The following NCKAP5 variants were observed in gnomAD, a reference collection of about 807,000 sequenced individuals.
NCKAP5 encodes NCK associated protein 5.
A neutral mutation model predicts 167.0 loss-of-function variants in NCKAP5; 92 were observed. The observed-to-expected ratio is 0.55, with a 90% CI of 0.47 to 0.66. NCKAP5 has a LOEUF of 0.66. NCKAP5 is among the 30% of genes least tolerant of loss of function. The pLI, the probability that NCKAP5 is intolerant of heterozygous loss-of-function variation, is 0.00. For synonymous variants in NCKAP5, 891 were observed against 877.4 expected (o/e 1.02, Z -0.27); for missense variants, 2,378 against 2,315.0 (o/e 1.03, Z -0.56).
At chr2:132,757,859 G>C (rs375551752) in intron 16 of NCKAP5, among the ~76,000 whole-genome samples, 20 of 152,306 alleles carry the variant, frequency 1.3e-4, no homozygotes, top group African/African-American at 4.6e-4. Flanking sequence ...AATCTGCACA[G>C]AATAGACTTG....
At chr2:133,089,116 C>G (rs535862977) in intron 6 of NCKAP5, among the ~76,000 whole-genome samples, 1 of 152,228 alleles carries the variant, frequency 6.6e-6, no homozygotes, top group East Asian at 1.9e-4. Context: ...AACATTATAC[C>G]TTGAGTATGG....
chr2:132,764,063 G>GA (rs1274908040), intron 16 of NCKAP5, among the ~76,000 whole-genome samples: 3 of 152,124 alleles, frequency 2.0e-5, no homozygotes, highest in African/African-American at 7.2e-5. Context: ...TCTCTCTAGT[G>GA]AAAAAACAGA....
chr2:132,937,469 T>C (rs572013460), intron 8 of NCKAP5, among the ~76,000 whole-genome samples: 12 of 152,240 alleles, frequency 7.9e-5, no homozygotes, highest in Non-Finnish European at 1.5e-4. Flanking sequence ...GTCTTACTTT[T>C]GTAAACGCTT....
chr2:133,426,978 G>A (rs2151111284), intron 3 of NCKAP5, among the ~76,000 whole-genome samples: 2 of 152,280 alleles, frequency 1.3e-5, no homozygotes. Flanking sequence ...GATTGGGAGG[G>A]TAGCCAGGAA....
chr2:132,834,821 A>G (rs1687774687), intron 11 of NCKAP5, among the ~76,000 whole-genome samples: 1 of 152,058 alleles, frequency 6.6e-6, no homozygotes, highest in Non-Finnish European at 1.5e-5. Context: ...CTCTTGTCTA[A>G]TTGCTCTGGT....
chr2:133,410,450 G>A (rs999813266), intron 3 of NCKAP5, among the ~76,000 whole-genome samples: 8 of 152,190 alleles, frequency 5.3e-5, no homozygotes, highest in South Asian at 2.1e-4. Flanking sequence ...TATACTAAAT[G>A]GGAATAATCA....
At chr2:133,436,289 C>A (rs911722630) in intron 3 of NCKAP5, among the ~76,000 whole-genome samples, 1 of 152,140 alleles carries the variant, frequency 6.6e-6, no homozygotes, top group Non-Finnish European at 1.5e-5. Flanking sequence ...TCCAGAGATG[C>A]GGTTTTATTC....
chr2:133,459,019 G>A (rs1692029247), intron 3 of NCKAP5, among the ~76,000 whole-genome samples: 1 of 152,074 alleles, frequency 6.6e-6, no homozygotes, highest in Admixed American at 6.6e-5. Flanking sequence ...TCCATCTTTG[G>A]CTAGTGATGG....
chr2:133,265,892 G>A (rs1382770999), intron 4 of NCKAP5, among the ~76,000 whole-genome samples: 1 of 152,174 alleles, frequency 6.6e-6, no homozygotes, highest in African/African-American at 2.4e-5. Flanking sequence ...CGCCACTCCA[G>A]TGGCCCCTAG....
At chr2:132,856,023 G>A (rs1193576912) in intron 11 of NCKAP5, among the ~76,000 whole-genome samples, 2 of 152,126 alleles carry the variant, frequency 1.3e-5, no homozygotes, top group Non-Finnish European at 2.9e-5. Context: ...AATTAGCCAG[G>A]CATGGTGGCG....
chr2:133,045,526 C>G (rs574757974), intron 6 of NCKAP5, among the ~76,000 whole-genome samples: 1 of 151,860 alleles, frequency 6.6e-6, no homozygotes, highest in Non-Finnish European at 1.5e-5. Context: ...CTAGATGTTG[C>G]GAAGACAAGG....
intron 16 of NCKAP5, among the ~76,000 whole-genome samples, chr2:132,754,746 G>A (rs1680394378): frequency 6.6e-6 from 1 of 152,170 alleles, no homozygotes; most frequent in Admixed American, 6.5e-5. Context: ...ACAATGACAG[G>A]ATTATCTATA....
intron 8 of NCKAP5, among the ~76,000 whole-genome samples, chr2:132,893,301 T>C (rs1238400478): frequency 6.6e-6 from 1 of 152,198 alleles, no homozygotes; most frequent in Non-Finnish European, 1.5e-5. Context: ...ACGCCATTGC[T>C]AGGTATAACC....
intron 6 of NCKAP5, chr2:133,118,541 C>T (rs1185154196): frequency 6.6e-6 from 1 of 152,114 alleles, no homozygotes; most frequent in Non-Finnish European, 1.5e-5. Flanking sequence ...TGTGCACCTA[C>T]TATGTGCCAG....
chr2:133,492,170 T>TGTGTGTGTGTGTGTG (rs1559524824), intron 3 of NCKAP5, among the ~76,000 whole-genome samples: 7 of 151,586 alleles, frequency 4.6e-5, no homozygotes, highest in South Asian at 2.1e-4. Context: ...TGTGTGTGTG[T>TGTGTGTGTGTGTGTG]TAAGGTCTAT....
chr2:132,813,844 A>C (rs933310841), intron 11 of NCKAP5, among the ~76,000 whole-genome samples: 11 of 152,254 alleles, frequency 7.2e-5, no homozygotes, highest in Non-Finnish European at 1.6e-4. Flanking sequence ...AGGAAAGATT[A>C]GAACAAATGA....
At chr2:133,605,703 C>G in the NCKAP5 span, among the ~76,000 whole-genome samples, 3 of 152,252 alleles carry the variant, frequency 2.0e-5, no homozygotes, top group East Asian at 5.8e-4. Context: ...CAGCACAGTG[C>G]TTTGCTTTTG....
chr2:132,891,950 T>C (rs1692741853), intron 8 of NCKAP5, among the ~76,000 whole-genome samples: 1 of 152,230 alleles, frequency 6.6e-6, no homozygotes, highest in Non-Finnish European at 1.5e-5. Flanking sequence ...GAAGGCAGAA[T>C]GTAACGAACA....
At chr2:133,639,825 C>T in the NCKAP5 span, among the ~76,000 whole-genome samples, 1 of 152,054 alleles carries the variant, frequency 6.6e-6, no homozygotes, top group African/African-American at 2.4e-5. Context: ...CCCTGAACCC[C>T]TTGACAAGAA....
Sources: allele counts gnomAD v4.1 joint callset (sites outside exome capture counted in the v4.1 genomes callset), GRCh38; gene constraint gnomAD v4.1.1; transcripts MANE v1.5; gene names NCBI Gene and HGNC (gene_info 2026-07-23, HGNC 2026-07-21).